Variants in TAFA2 observed in about 807,000 individuals in gnomAD.
The protein encoded by TAFA2 is chemokine-like protein TAFA-2.
TAFA2 carries 7 observed loss-of-function variants against 18.8 expected under a neutral mutation model. The observed-to-expected ratio is 0.37, with a 90% CI of 0.21 to 0.70. The LOEUF is 0.70. Ranked by LOEUF, TAFA2 falls within the 30% of genes least tolerant of loss-of-function variation. The pLI, the probability that TAFA2 is intolerant of heterozygous loss-of-function variation, is 0.53. For synonymous variants in TAFA2, 60 were observed against 54.2 expected (o/e 1.11, Z -0.47); for missense variants, 122 against 158.1 (o/e 0.77, Z 1.23).
intron 1 of TAFA2, chr12:61,879,667 G>A: frequency 2.0e-6 from 2 of 1,006,504 alleles, no homozygotes; most frequent in South Asian, 2.5e-5. Flanking sequence ...TGGAGCAGCA[G>A]AACAGGATGC....
At chr12:62,257,928 G>A (rs942258709) in intron 1 of TAFA2, among the ~76,000 whole-genome samples, 2 of 152,084 alleles carry the variant, frequency 1.3e-5, no homozygotes, top group Non-Finnish European at 2.9e-5. Flanking sequence ...AGTAAAATAA[G>A]CAGAATTTCC....
intron 1 of TAFA2, among the ~76,000 whole-genome samples, chr12:62,106,119 G>C (rs1869438773): frequency 6.6e-6 from 1 of 151,990 alleles, no homozygotes. Flanking sequence ...GATCACCTCA[G>C]GTCAGGAGTT....
chr12:61,915,393 G>A (rs1432746653), intron 1 of TAFA2, among the ~76,000 whole-genome samples: 1 of 152,118 alleles, frequency 6.6e-6, no homozygotes, highest in Non-Finnish European at 1.5e-5. Flanking sequence ...CAATTTATTG[G>A]TACAAACTCT....
At chr12:61,842,183 T>A (rs939754522) in intron 2 of TAFA2, among the ~76,000 whole-genome samples, 4 of 151,948 alleles carry the variant, frequency 2.6e-5, no homozygotes, top group Non-Finnish European at 5.9e-5. Context: ...AGGTTTATTA[T>A]GCACACGGGA....
intron 1 of TAFA2, among the ~76,000 whole-genome samples, chr12:61,958,491 C>T (rs1265057850): frequency 1.3e-5 from 2 of 151,828 alleles, no homozygotes; most frequent in African/African-American, 4.8e-5. Context: ...TTTGTGCTAC[C>T]AGTTTTTTTA....
chr12:62,205,267 G>T (rs2062687141), intron 1 of TAFA2, among the ~76,000 whole-genome samples: 1 of 152,224 alleles, frequency 6.6e-6, no homozygotes, highest in Non-Finnish European at 1.5e-5. Flanking sequence ...TGTGTAAGGT[G>T]TCTGGTGACC....
At position 62,184,291 on chromosome 12, in the gene TAFA2, A is replaced by G. The variant is rs2062570358; in HGVS notation, c.-2+6968T>C. On this transcript the variant is annotated intron_variant, in intron 1 of 4. Coordinates refer to ENST00000416284, the MANE Select transcript of TAFA2 (RefSeq NM_178539.5). Reference sequence around the variant, plus strand: ...TTTACAATAATGCTTAAATGCATACATATCTTAGCAGGAAACAACTGTCAT... The same window carrying G: ...TTTACAATAATGCTTAAATGCATACGTATCTTAGCAGGAAACAACTGTCAT... Among the ~76,000 whole-genome samples the G allele has an allele frequency of 2.0e-5, 3 of 152,292 alleles. No homozygotes were observed. The South Asian group carries it at 6.2e-4, about 32-fold the overall frequency.
intron 1 of TAFA2, among the ~76,000 whole-genome samples, chr12:62,082,461 G>T (rs1015809092): frequency 6.6e-6 from 1 of 151,982 alleles, no homozygotes; most frequent in Non-Finnish European, 1.5e-5. Flanking sequence ...TGTTTATCTT[G>T]CATTCCAAGG....
At chr12:61,966,325 C>A (rs1167575932) in intron 1 of TAFA2, among the ~76,000 whole-genome samples, 4 of 151,926 alleles carry the variant, frequency 2.6e-5, no homozygotes, top group East Asian at 3.9e-4. Flanking sequence ...CAAGATGGCA[C>A]CCTGCTGCTG....
chr12:62,030,240 T>C (rs1881420728), intron 1 of TAFA2, among the ~76,000 whole-genome samples: 1 of 152,114 alleles, frequency 6.6e-6, no homozygotes, highest in Non-Finnish European at 1.5e-5. Flanking sequence ...TGATAAGGTC[T>C]GGGTATGAGT....
intron 1 of TAFA2, among the ~76,000 whole-genome samples, chr12:62,211,528 C>A (rs2062714209): frequency 6.7e-6 from 1 of 150,310 alleles, no homozygotes; most frequent in African/African-American, 2.5e-5. Flanking sequence ...TGCAGTGAGC[C>A]AAGATTGTGC....
intron 1 of TAFA2, among the ~76,000 whole-genome samples, chr12:62,056,726 A>T (rs1325776801): frequency 6.6e-6 from 1 of 151,764 alleles, no homozygotes; most frequent in East Asian, 1.9e-4. Flanking sequence ...AAAAACAGGG[A>T]CATCACCTAT....
At chr12:62,155,500 CA>C (rs1440729298) in intron 1 of TAFA2, among the ~76,000 whole-genome samples, 1 of 152,034 alleles carries the variant, frequency 6.6e-6, no homozygotes, top group Non-Finnish European at 1.5e-5. Context: ...CAAGACTAAG[CA>C]AAATGAACAA....
At chr12:61,968,130 T>C (rs1385985107) in intron 1 of TAFA2, among the ~76,000 whole-genome samples, 1 of 151,828 alleles carries the variant, frequency 6.6e-6, no homozygotes. Flanking sequence ...AAAGAAATGG[T>C]GAGATATATA....
At chr12:61,977,563 G>C (rs186281868) in intron 1 of TAFA2, among the ~76,000 whole-genome samples, 35 of 152,128 alleles carry the variant, frequency 2.3e-4, no homozygotes, top group Non-Finnish European at 4.6e-4. Context: ...CTCTTCTTTT[G>C]TGAAATTCAT....
intron 1 of TAFA2, among the ~76,000 whole-genome samples, chr12:62,223,846 G>A (rs1047264669): frequency 6.6e-6 from 1 of 152,132 alleles, no homozygotes; most frequent in African/African-American, 2.4e-5. Context: ...ACATAAGATA[G>A]TATGATTGCT....
chr12:62,071,318 G>T (rs549021993), intron 1 of TAFA2, among the ~76,000 whole-genome samples: 11 of 152,224 alleles, frequency 7.2e-5, no homozygotes, highest in Admixed American at 7.2e-4. Flanking sequence ...AGGAAGCGGG[G>T]GTGAGAAAAG....
intron 2 of TAFA2, among the ~76,000 whole-genome samples, chr12:61,767,801 G>GA (rs933371489): frequency 1.3e-5 from 2 of 148,472 alleles, no homozygotes; most frequent in African/African-American, 4.9e-5. Flanking sequence ...TTAGTTTTTA[G>GA]AAAAAAAAAG....
intron 1 of TAFA2, among the ~76,000 whole-genome samples, chr12:62,001,757 G>C (rs373463566): frequency 2.0e-5 from 3 of 151,966 alleles, no homozygotes; most frequent in South Asian, 4.1e-4. Flanking sequence ...CCCAGGGGTT[G>C]GGGACCCCTA....
Sources: gnomAD v4.1 joint callset for allele counts (sites outside exome capture counted in the v4.1 genomes callset) on GRCh38, gnomAD v4.1.1 for gene constraint, MANE v1.5 for transcripts, NCBI Gene and HGNC (gene_info 2026-07-23, HGNC 2026-07-21) for gene names.